Variants in ZNF638 observed in about 807,000 individuals in gnomAD.
ZNF638 encodes the protein zinc finger protein 638.
In ZNF638, 46 loss-of-function variants were observed where a neutral mutation model predicts 195.6. That is an observed-to-expected ratio of 0.24 (90% CI 0.19 to 0.30). The LOEUF (loss-of-function observed/expected upper bound fraction) is 0.30, where lower values mean the gene tolerates loss of function less well. ZNF638 is among the 10% of genes least tolerant of loss of function. The pLI is 1.00. For missense variants in ZNF638, 2,440 were observed against 2,325.3 expected (o/e 1.05, Z -1.01); for synonymous variants, 845 against 772.0 (o/e 1.09, Z -1.57).
chr2:71,388,901 T>G (rs558741558), intron 10 of ZNF638, among the ~76,000 whole-genome samples: 2 of 152,276 alleles, frequency 1.3e-5, no homozygotes, highest in Admixed American at 6.5e-5. Flanking sequence ...TAAGGCAAAC[T>G]GTTGTTTCCC....
chr2:71,349,042 C>A lies in ZNF638; in HGVS notation c.88C>A (p.Pro30Thr), dbSNP rs148746042. 6.2e-7 allele frequency: 1 copy of A among 1,614,046 alleles called. No individual in the cohort carries two copies. Among genetic ancestry groups the A allele is most frequent in the Non-Finnish European group, 8.5e-7 (1 of 1,180,028 alleles). ...PNPSGMRPPG[P>T]FMRPGSMGLP... is the part of the protein sequence containing the mutation. ...CCCTTCTGGGATGAGGCCTCCAGGA[C>A]CATTTATGAGGCCTGGATCTATGGG... The change falls in exon 2 of 28, where the codon CCA (proline) becomes ACA (threonine). Residue 30 changes from proline to threonine, a missense_variant. This residue lies in a region of ZNF638 where 191 missense variants were observed against 173.8 expected (regional missense o/e 1.10). Transcript: ENST00000264447.
intron 10 of ZNF638, chr2:71,395,417 A>G: frequency 1.5e-6 from 1 of 650,294 alleles, no homozygotes; most frequent in Non-Finnish European, 2.8e-6. Context: ...CCTTCTTGGA[A>G]GTCCAGGAGG....
At chr2:71,383,751 TTTTTC>T (rs2079578442) in intron 10 of ZNF638, among the ~76,000 whole-genome samples, 1 of 97,636 alleles carries the variant, frequency 1.0e-5, no homozygotes. Flanking sequence ...TTTCTTTTTT[TTTTTC>T]TTTTTCTTTT....
At chr2:71,404,898 G>A (rs1229167936) in intron 17 of ZNF638, among the ~76,000 whole-genome samples, 2 of 152,130 alleles carry the variant, frequency 1.3e-5, no homozygotes, top group Non-Finnish European at 2.9e-5. Context: ...AGAAGCATGA[G>A]GTAGAAATAT....
In ZNF638 at chr2:71,376,485, C is replaced by G. The variant is rs372778433; in HGVS notation, c.2266-3737C>G. Among the ~76,000 whole-genome samples the G allele has an allele frequency of 3.9e-5, 6 of 152,126 alleles. No individual in the cohort carries two copies. In the South Asian group the frequency reaches 8.3e-4, roughly 21 times the overall value. On this transcript the variant is annotated intron_variant, in intron 8 of 27. Transcript: ENST00000264447. The stretch of plus-strand genomic sequence containing the variant: ...TGGCCTGTTACCACTTCAAGTTTTT[C>G]TACCAGTGCAAGCCAAAAATAAGCT...
intron 2 of ZNF638, among the ~76,000 whole-genome samples, chr2:71,350,874 A>G (rs1364022331): frequency 6.6e-6 from 1 of 152,252 alleles, no homozygotes; most frequent in African/African-American, 2.4e-5. Context: ...AAAATAGTGT[A>G]AAATGATAGA....
intron 23 of ZNF638, among the ~76,000 whole-genome samples, chr2:71,426,077 C>A (rs1227121205): frequency 6.6e-6 from 1 of 152,152 alleles, no homozygotes; most frequent in Non-Finnish European, 1.5e-5. Context: ...TTTTAGAAGT[C>A]CAGTAAGTCT....
intron 6 of ZNF638, among the ~76,000 whole-genome samples, chr2:71,365,947 A>G (rs1288949795): frequency 6.6e-6 from 1 of 152,148 alleles, no homozygotes; most frequent in Non-Finnish European, 1.5e-5. Flanking sequence ...TCGAACTACT[A>G]GGTTCAGGCA....
intron 10 of ZNF638, among the ~76,000 whole-genome samples, chr2:71,386,667 T>G (rs141994586): frequency 1.3e-5 from 2 of 152,172 alleles, no homozygotes; most frequent in African/African-American, 4.8e-5. Flanking sequence ...TTCTCTAATA[T>G]GTCATGTTTA....
intron 25 of ZNF638, among the ~76,000 whole-genome samples, chr2:71,429,976 AC>A (rs923350868): frequency 6.6e-5 from 10 of 152,034 alleles, no homozygotes; most frequent in South Asian, 2.1e-4. Context: ...TCATGAGGTC[AC>A]CCCCCGACTT....
At chr2:71,351,830 AC>A (rs1360042965) in intron 2 of ZNF638, among the ~76,000 whole-genome samples, 3 of 152,180 alleles carry the variant, frequency 2.0e-5, no homozygotes, top group Non-Finnish European at 4.4e-5. Context: ...TTAGAAGACA[AC>A]AAGTGGTTTT....
Position 71,423,746 on chromosome 2 carries a change from C to G in ZNF638, c.4232C>G (p.Thr1411Ser). 1 of 1,613,894 alleles carries G rather than the reference C, an allele frequency of 6.2e-7. No homozygotes were observed. Among genetic ancestry groups the G allele is most frequent in the Non-Finnish European group, 8.5e-7 (1 of 1,179,994 alleles). ...AAGGCAAAAGCTACAGTTTCAAAAA[C>G]TGAAAATCAGAAAAGTTTTCCAAAA... ...SPKAKATVSK[T>S]ENQKSFPKSV... The change falls in exon 22 of 28, where the codon ACT (threonine) becomes AGT (serine). Residue 1411 changes from threonine (T) to serine (S), a missense_variant. Coordinates refer to ENST00000264447, the MANE Select transcript of ZNF638 (RefSeq NM_014497.5).
At position 71,365,019 on chromosome 2, in the gene ZNF638, G is replaced by A. The variant is rs2079171783; in HGVS notation, c.1718-410G>A. Among the ~76,000 whole-genome samples the A allele has an allele frequency of 2.6e-5, 4 of 152,234 alleles. No individual in the cohort carries two copies. The South Asian group carries it at 8.3e-4, about 32-fold the overall frequency. On this transcript the variant is annotated intron_variant, in intron 5 of 27. Transcript: ENST00000264447. ...ACACATTTCACTAATTTTGTTTTGG[G>A]AATTACAGTTGGTTTTTATAAAAAT...
Position 71,349,170 on chromosome 2 carries a change from G to C in ZNF638, c.216G>C (p.Gln72His). The C allele has an allele frequency of 6.2e-7, 1 of 1,614,142 alleles. No individual in the cohort carries two copies. Residue 72 changes from glutamine (Q) to histidine (H), a missense_variant, in exon 2 of 28, where the codon CAG (glutamine) becomes CAC (histidine). Transcript: ENST00000264447. ...QNMGPQRMNV[Q>H]VTQHRTDPRL... ...TGGGGCCACAGAGAATGAATGTTCA[G>C]GTAACTCAACACAGAACTGATCCAA...
At chr2:71,390,556 T>C (rs2079751574) in intron 10 of ZNF638, among the ~76,000 whole-genome samples, 2 of 152,084 alleles carry the variant, frequency 1.3e-5, no homozygotes, top group South Asian at 4.1e-4. Context: ...CTAAAATAGC[T>C]CAGTTACTAT....
In ZNF638 at chr2:71,422,994, T is replaced by G; in HGVS notation, c.3480T>G (p.Phe1160Leu). 6.2e-7 allele frequency: 1 copy of G among 1,614,126 alleles called. No individual in the cohort carries two copies. Among genetic ancestry groups the G allele is most frequent in the Non-Finnish European group, 8.5e-7 (1 of 1,179,988 alleles). The change falls in exon 22 of 28, where the codon TTT becomes TTG. Residue 1160 changes from phenylalanine (F) to leucine (L), a missense_variant. By Grantham distance (22) the Phe-to-Leu change is conservative. Transcript: ENST00000264447. Reference sequence around the variant, plus strand: ...AAAAAGCAACATGTGATTCTGACTTTGCTGTTGAAACTTTGGAGCTTGAAA... The same window carrying G: ...AAAAAGCAACATGTGATTCTGACTTGGCTGTTGAAACTTTGGAGCTTGAAA... The part of the protein sequence containing the change: ...EAEKATCDSD[F>L]AVETLELETQ...
chr2:71,434,082 A>G (rs538046288), intron 27 of ZNF638, among the ~76,000 whole-genome samples: 1 of 152,260 alleles, frequency 6.6e-6, no homozygotes, highest in East Asian at 1.9e-4. Context: ...AAAACCTTCT[A>G]GTAGCTTCAT....
intron 14 of ZNF638, 143 bp downstream of exon 14, chr2:71,400,323 TTA>T: frequency 1.9e-6 from 2 of 1,058,910 alleles, no homozygotes; most frequent in Non-Finnish European, 2.7e-6. Flanking sequence ...AATGTATTTT[TTA>T]AAAGCCAATG....
At chr2:71,375,504 G>C (rs538842556) in intron 8 of ZNF638, 1 of 152,066 alleles carries the variant, frequency 6.6e-6, no homozygotes, top group African/African-American at 2.4e-5. Context: ...ATGAGTTTTT[G>C]TTTTCTTTTC....
Sources: allele counts gnomAD v4.1 joint callset (sites outside exome capture counted in the v4.1 genomes callset), GRCh38; gene constraint gnomAD v4.1.1; regional missense constraint gnomAD v4.1.1; transcripts MANE v1.5; gene names NCBI Gene and HGNC (gene_info 2026-07-23, HGNC 2026-07-21).